The following TRIM25 variants were observed in gnomAD, a reference collection of about 807,000 sequenced individuals.
TRIM25 encodes tripartite motif containing 25.
A neutral mutation model predicts 65.2 loss-of-function variants in TRIM25; 45 were observed. The ratio of observed to expected loss-of-function variants is 0.69; its 90% confidence interval spans 0.54 to 0.89. TRIM25 has a LOEUF of 0.89. Ranked by LOEUF, TRIM25 falls within the 40% of genes least tolerant of loss-of-function variation. TRIM25 has a pLI of 0.00. For synonymous variants in TRIM25, 321 were observed against 340.4 expected, an observed-to-expected ratio of 0.94 and a Z score of 0.63; for missense variants, 714 against 803.7, an observed-to-expected ratio of 0.89 and a Z score of 1.35.
chr17:56,895,090 GA>G (rs1165770345), intron 8 of TRIM25, among the ~76,000 whole-genome samples: 2 of 152,258 alleles, frequency 1.3e-5, no homozygotes, highest in African/African-American at 4.8e-5. Flanking sequence ...GACCCACAGA[GA>G]AAGGTGAGCT....
intron 2 of TRIM25, among the ~76,000 whole-genome samples, chr17:56,906,104 A>G (rs751917833): frequency 6.6e-6 from 1 of 152,388 alleles, no homozygotes; most frequent in Admixed American, 6.5e-5. Context: ...GGTAGCCTCA[A>G]TAGCTGCTAT....
intron 8 of TRIM25, among the ~76,000 whole-genome samples, chr17:56,893,070 C>T (rs1449628585): frequency 6.6e-6 from 1 of 152,180 alleles, no homozygotes; most frequent in African/African-American, 2.4e-5. Context: ...AGTGAAGCCA[C>T]GGAGTGCCAA....
At chr17:56,906,835 A>G (rs1346438198) in intron 2 of TRIM25, among the ~76,000 whole-genome samples, 2 of 152,178 alleles carry the variant, frequency 1.3e-5, no homozygotes, top group African/African-American at 4.8e-5. Context: ...TAATGTGACT[A>G]CAAGTGTCCC....
intron 8 of TRIM25, among the ~76,000 whole-genome samples, chr17:56,893,914 G>A (rs907058984): frequency 3.3e-5 from 5 of 152,238 alleles, no homozygotes; most frequent in Non-Finnish European, 7.3e-5. Flanking sequence ...GTCAAGGGCA[G>A]GACAGAGGTC....
rs574771415 is a variant in TRIM25, at chr17:56,888,025, G to A, written c.*3675C>T. 2.0e-5 allele frequency: 3 copies of A among 152,388 alleles called. No homozygotes were observed. In the East Asian group the frequency reaches 5.8e-4, roughly 29 times the overall value. The allele number at this position is 152,388 out of a possible 1,614,324, so 9.4% of individuals were successfully genotyped here. A position where few individuals can be genotyped will look rare whatever the true frequency, so the allele number is the denominator to read the frequency against. On this transcript the variant is annotated 3_prime_UTR_variant, in exon 9 of 9. Transcript: ENST00000316881. Reference sequence around the variant, plus strand: ...AGTGCTCCCATGCCCCCTCTTCGTGGAATTAGGGCACACTGCCCTGCCGGC... The same window carrying A: ...AGTGCTCCCATGCCCCCTCTTCGTGAAATTAGGGCACACTGCCCTGCCGGC...
rs774609957 is a variant in TRIM25 at position 56,891,861 on chromosome 17, C to T, written c.1732G>A (p.Gly578Ser). Residue 578 changes from glycine to serine, a missense_variant, in exon 9 of 9, where the codon GGC becomes AGC. Physicochemically the swap from Gly to Ser is moderately conservative, Grantham distance 56. This residue lies in a region of TRIM25 where 413 missense variants were observed against 498.2 expected (regional missense o/e 0.83). Transcript: ENST00000316881. ...CCGTGGTCACAGTTGAGAAGCACGC[C>T]CACCCGCGTGGCCTTGGTGGAGGGC... ...TLPSTKATRV[G>S]VLLNCDHGFV... 16 of 1,614,244 alleles carry T rather than the reference C, an allele frequency of 9.9e-6. No homozygotes were observed. The highest frequency in any genetic ancestry group is 8.8e-5 in the South Asian group (8 of 91,090).
chr17:56,905,954 C>A (rs977859886), intron 2 of TRIM25, among the ~76,000 whole-genome samples: 3 of 152,112 alleles, frequency 2.0e-5, no homozygotes, highest in African/African-American at 7.2e-5. Flanking sequence ...TAGAGTGAGA[C>A]CTGTCCTAAA....
chr17:56,899,083 G>C, intron 5 of TRIM25, 32 bp downstream of exon 5: 1 of 1,612,066 alleles, frequency 6.2e-7, no homozygotes, highest in Non-Finnish European at 8.5e-7. Flanking sequence ...CAGCCATGCT[G>C]TTGCCATGGA....
intron 2 of TRIM25, 151 bp from the exon 3 acceptor site, chr17:56,904,639 A>T: frequency 1.4e-6 from 1 of 695,158 alleles, no homozygotes. Flanking sequence ...GGCAATATCT[A>T]ATAAATTTGG....
chr17:56,901,711 C>T (rs1909416431), intron 3 of TRIM25, 133 bp from the exon 4 acceptor site: 3 of 1,104,194 alleles, frequency 2.7e-6, no homozygotes, highest in Non-Finnish European at 3.9e-6. Context: ...AAATTACAGG[C>T]CAGAGGTCAC....
chr17:56,901,887 A>G (rs1028020528), intron 3 of TRIM25, among the ~76,000 whole-genome samples: 1 of 152,150 alleles, frequency 6.6e-6, no homozygotes, highest in Non-Finnish European at 1.5e-5. Flanking sequence ...CCCCAGGACA[A>G]TGTTCTTTCC....
chr17:56,892,063 C>G lies in TRIM25; in HGVS notation c.1530G>C (p.Gly510=). The stretch of plus-strand genomic sequence containing the variant: ...GCAGCTCCACCTCCCAGTAGTGGAT[C>G]CCCTTCTTGTAGCAGTGCAGGCCCA... ...QVLGLHCYKK[G]IHYWEVELQK... is the part of the protein sequence containing the mutation. The change falls in exon 9 of 9, where the codon GGG becomes GGC. Residue 510 remains glycine (G), a synonymous_variant. Transcript: ENST00000316881. The G allele has an allele frequency of 6.2e-7, 1 of 1,614,186 alleles. No homozygotes were observed. The highest frequency in any genetic ancestry group is 8.5e-7 in the Non-Finnish European group (1 of 1,180,016).
At chr17:56,893,080 A>G (rs1909215000) in intron 8 of TRIM25, among the ~76,000 whole-genome samples, 1 of 152,222 alleles carries the variant, frequency 6.6e-6, no homozygotes, top group Non-Finnish European at 1.5e-5. Context: ...CGGAGTGCCA[A>G]GGGGATTCGC....
chr17:56,898,983 A>T, intron 5 of TRIM25, 132 bp downstream of exon 5: 1 of 984,282 alleles, frequency 1.0e-6, no homozygotes, highest in Non-Finnish European at 1.6e-6. Flanking sequence ...CGCAGTGGGG[A>T]CTGCCACCAA....
chr17:56,911,740 A>T (rs543142755), intron 1 of TRIM25, among the ~76,000 whole-genome samples: 1 of 152,124 alleles, frequency 6.6e-6, no homozygotes, highest in South Asian at 2.1e-4. Context: ...AATTTTTTAA[A>T]ACTTAGCCAG....
At position 56,890,298 on chromosome 17, in the gene TRIM25, GC is replaced by G; in HGVS notation, c.*1401del. On this transcript the variant is annotated 3_prime_UTR_variant, in exon 9 of 9. Transcript: ENST00000316881. ...AAAATCCAGCCATCCATTCACTCCC[GC>G]CCCTTAGTGGACTGGGTTATTTTCA... 3.0e-6 allele frequency: 1 copy of G among 329,786 alleles called. No homozygotes were observed. Among genetic ancestry groups the G allele is most frequent in the Non-Finnish European group, 5.9e-6 (1 of 168,160 alleles). The allele number at this position is 329,786 out of a possible 1,614,324, so 20.4% of individuals were successfully genotyped here.
Position 56,908,577 on chromosome 17 carries a change from A to C in TRIM25, c.598-14T>G. ...CCTCAGGGTGGCCTGCAGGGAAAAC[A>C]AATGAGGTTGAGAATGCACCTCTTC... On this transcript the variant is annotated splice_polypyrimidine_tract_variant and intron_variant, in intron 1 of 8. Transcript: ENST00000316881. 2 of 1,612,626 alleles carry C rather than the reference A, an allele frequency of 1.2e-6. No homozygotes were observed. The highest frequency in any genetic ancestry group is 1.7e-6 in the Non-Finnish European group (2 of 1,179,750).
chr17:56,890,993 C>A lies in TRIM25; in HGVS notation c.*707G>T. ...ATGACCCTGAATCACAAATCCAACA[C>A]AGGCTGATTCCAATCATGGTTTGAA... On this transcript the variant is annotated 3_prime_UTR_variant, in exon 9 of 9. Transcript: ENST00000316881. 2.3e-6 allele frequency: 1 copy of A among 433,696 alleles called. No individual in the cohort carries two copies. Among genetic ancestry groups the A allele is most frequent in the Non-Finnish European group, 4.7e-6 (1 of 214,490 alleles). The allele number at this position is 433,696 out of a possible 1,614,324, so 26.9% of individuals were successfully genotyped here. A position where few individuals can be genotyped will look rare whatever the true frequency, so the allele number is the denominator to read the frequency against.
At chr17:56,896,957 G>T (rs1388746595) in intron 5 of TRIM25, among the ~76,000 whole-genome samples, 2 of 151,656 alleles carry the variant, frequency 1.3e-5, no homozygotes, top group Non-Finnish European at 2.9e-5. Context: ...AAAAAAAATT[G>T]TTTTAATTAG....
Sources: allele counts gnomAD v4.1 joint callset (sites outside exome capture counted in the v4.1 genomes callset), GRCh38; gene constraint gnomAD v4.1.1; regional missense constraint gnomAD v4.1.1; transcripts MANE v1.5; gene names NCBI Gene and HGNC (gene_info 2026-07-23, HGNC 2026-07-21).